The following CSMD3 variants were observed in gnomAD, a reference collection of about 807,000 sequenced individuals.
CSMD3 encodes CUB and sushi domain-containing protein 3.
CSMD3 carries 177 observed loss-of-function variants against 435.2 expected under a neutral mutation model. The ratio of observed to expected loss-of-function variants is 0.41; its 90% CI spans 0.36 to 0.46. The LOEUF (loss-of-function observed/expected upper bound fraction) is 0.46. Ranked by LOEUF, CSMD3 falls within the 20% of genes least tolerant of loss-of-function variation. The pLI is 0.34. For missense variants in CSMD3, 4,265 were observed against 4,504.6 expected, an observed-to-expected ratio of 0.95 and a Z score of 1.52; for synonymous variants, 1,656 against 1,520.5, an observed-to-expected ratio of 1.09 and a Z score of -2.07.
chr8:112,891,764 T>C (rs1217417434), intron 10 of CSMD3, among the ~76,000 whole-genome samples: 3 of 151,586 alleles, frequency 2.0e-5, no homozygotes, highest in African/African-American at 7.3e-5. Context: ...ATTAGGAAAC[T>C]GAGGCTTATA....
intron 13 of CSMD3, among the ~76,000 whole-genome samples, chr8:112,692,701 T>C (rs1019510781): frequency 4.6e-5 from 7 of 152,276 alleles, no homozygotes; most frequent in Admixed American, 3.9e-4. Context: ...TATACACTAA[T>C]TCCTCTTTAT....
At chr8:112,688,748 CT>C (rs1206943401) in intron 14 of CSMD3, among the ~76,000 whole-genome samples, 3 of 151,886 alleles carry the variant, frequency 2.0e-5, no homozygotes, top group Non-Finnish European at 4.4e-5. Context: ...TTATTAATCG[CT>C]ACATTTTTAT....
intron 52 of CSMD3, among the ~76,000 whole-genome samples, chr8:112,303,403 G>GA (rs1821114624): frequency 6.6e-6 from 1 of 151,702 alleles, no homozygotes; most frequent in African/African-American, 2.4e-5. Flanking sequence ...CTAAAATACA[G>GA]AAAAAAATTA....
At chr8:112,569,905 C>A (rs902323709) in intron 24 of CSMD3, among the ~76,000 whole-genome samples, 3 of 152,144 alleles carry the variant, frequency 2.0e-5, no homozygotes, top group Non-Finnish European at 4.4e-5. Flanking sequence ...CTTACCTGAT[C>A]CTCCCTAGAC....
intron 3 of CSMD3, among the ~76,000 whole-genome samples, chr8:113,239,157 G>A (rs2093183385): frequency 6.6e-6 from 1 of 152,048 alleles, no homozygotes; most frequent in Admixed American, 6.6e-5. Flanking sequence ...GGTTGCCTGT[G>A]AATAACCATC....
At chr8:113,020,558 C>T (rs545686202) in intron 5 of CSMD3, among the ~76,000 whole-genome samples, 58 of 152,178 alleles carry the variant, frequency 3.8e-4, no homozygotes, top group African/African-American at 1.3e-3. Context: ...CAAAGCAAGG[C>T]TATTACATAG....
At chr8:113,104,221 A>G (rs1012829065) in intron 4 of CSMD3, among the ~76,000 whole-genome samples, 9 of 152,080 alleles carry the variant, frequency 5.9e-5, no homozygotes, top group Admixed American at 5.9e-4. Flanking sequence ...AGAGAAGTAC[A>G]CTTGGTCGAT....
chr8:113,305,062 G>C (rs1236242227), intron 2 of CSMD3, among the ~76,000 whole-genome samples: 1 of 140,256 alleles, frequency 7.1e-6, no homozygotes, highest in Non-Finnish European at 1.5e-5. Flanking sequence ...CAAAAAACCA[G>C]ACACCGCATA....
At chr8:112,337,915 C>T (rs911748031) in intron 42 of CSMD3, among the ~76,000 whole-genome samples, 184 bp from the exon 43 acceptor site, 3 of 152,128 alleles carry the variant, frequency 2.0e-5, no homozygotes, top group African/African-American at 7.2e-5. Flanking sequence ...CTCATGTCTA[C>T]AATTTTCATA....
intron 16 of CSMD3, among the ~76,000 whole-genome samples, chr8:112,669,723 G>T (rs1156934020): frequency 1.3e-5 from 2 of 152,068 alleles, no homozygotes; most frequent in African/African-American, 4.8e-5. Context: ...ACGTACCATT[G>T]TCTGACAGGT....
intron 10 of CSMD3, among the ~76,000 whole-genome samples, chr8:112,866,570 G>A (rs991005351): frequency 5.9e-5 from 9 of 152,028 alleles, no homozygotes; most frequent in African/African-American, 9.7e-5. Flanking sequence ...ATGTATTTGC[G>A]GCATTTCCCT....
intron 6 of CSMD3, chr8:113,018,833 A>G (rs993947463): frequency 5.7e-6 from 3 of 526,562 alleles, no homozygotes; most frequent in African/African-American, 3.8e-5. Context: ...GCTACATACT[A>G]CCTTTTAGAA....
At chr8:112,319,494 A>G (rs899371844) in intron 46 of CSMD3, among the ~76,000 whole-genome samples, 1 of 152,158 alleles carries the variant, frequency 6.6e-6, no homozygotes, top group African/African-American at 2.4e-5. Flanking sequence ...TCAACTAAGC[A>G]TTTTCCAAGA....
At chr8:112,524,185 A>G (rs1042727794) in intron 27 of CSMD3, among the ~76,000 whole-genome samples, 1 of 151,982 alleles carries the variant, frequency 6.6e-6, no homozygotes, top group African/African-American at 2.4e-5. Flanking sequence ...TATACAGTCA[A>G]TGATATAATT....
At chr8:112,573,432 G>T (rs2131300202) in intron 24 of CSMD3, 69 bp downstream of exon 24, 3 of 1,189,662 alleles carry the variant, frequency 2.5e-6, no homozygotes, top group East Asian at 2.3e-5. Context: ...TTCAATTTGT[G>T]CAATGTAATT....
chr8:112,241,754 T>A lies in CSMD3; in HGVS notation c.10434A>T (p.Arg3478Ser), dbSNP rs1438318095. 6.2e-7 allele frequency: 1 copy of A among 1,612,922 alleles called. No homozygotes were observed. The highest frequency in any genetic ancestry group is 1.1e-5 in the South Asian group (1 of 91,068). ...TTGGGCTGGGTGTTCCCAGTGCAGG[T>A]CTAGGATCTTTCACCAATATTTTAG... The part of the protein sequence containing the change: ...AGSKILVKDP[R>S]PALGTPSPKL... Residue 3478 changes from arginine to serine, a missense_variant, in exon 66 of 71, where the codon AGA (arginine) becomes AGT (serine). Arg to Ser is a moderately radical substitution (Grantham distance 110). Around this residue, in one of 3 missense-constraint regions of CSMD3, gnomAD observed 3,255 missense variants for 3,380.2 expected, o/e 0.96. Transcript: ENST00000297405.
In CSMD3 at chr8:112,645,372, A is replaced by G. The variant is rs1031836879; in HGVS notation, c.3194-147T>C. 15 of 695,244 alleles carry G rather than the reference A, an allele frequency of 2.2e-5. No homozygotes were observed. The Admixed American group carries it at 3.0e-4, about 14-fold the overall frequency. The allele number at this position is 695,244 out of a possible 1,614,324, so 43.1% of individuals were successfully genotyped here. On this transcript the variant is annotated intron_variant, in intron 19 of 70. Transcript: ENST00000297405. The stretch of plus-strand genomic sequence containing the variant: ...ATAACAGGTGTGCATGCAGCACTAG[A>G]GAAGAAAAGTGTACTCAGTAGCATC...
At chr8:112,321,818 A>G (rs1249508513) in intron 45 of CSMD3, among the ~76,000 whole-genome samples, 2 of 152,184 alleles carry the variant, frequency 1.3e-5, no homozygotes, top group African/African-American at 4.8e-5. Flanking sequence ...GGTTACTGCT[A>G]GAGAAGAAAG....
intron 19 of CSMD3, among the ~76,000 whole-genome samples, chr8:112,646,987 T>A (rs569446323): frequency 0.02 from 3,111 of 152,268 alleles, 99 homozygotes; most frequent in African/African-American, 0.071. Context: ...ATTCTGCAGA[T>A]TTTATTTATG....
Sources: gnomAD v4.1 joint callset for allele counts (sites outside exome capture counted in the v4.1 genomes callset) on GRCh38, gnomAD v4.1.1 for gene constraint, gnomAD v4.1.1 regional missense constraint, MANE v1.5 for transcripts, NCBI Gene and HGNC (gene_info 2026-07-23, HGNC 2026-07-21) for gene names.